The following NRXN3 variants were observed in gnomAD, a reference collection of about 807,000 sequenced individuals.
NRXN3 encodes the protein neurexin III.
NRXN3 carries 32 observed loss-of-function variants against 137.6 expected under a neutral mutation model. The ratio of observed to expected loss-of-function variants is 0.23; its 90% CI spans 0.18 to 0.31. NRXN3 has a LOEUF of 0.31. Ranked by LOEUF, NRXN3 falls within the 10% of genes least tolerant of loss-of-function variation. The pLI, the probability that NRXN3 is intolerant of heterozygous loss-of-function variation, is 1.00. For synonymous variants in NRXN3, 798 were observed against 784.5 expected, an observed-to-expected ratio of 1.02 and a Z score of -0.29; for missense variants, 1,574 against 2,062.5, an observed-to-expected ratio of 0.76 and a Z score of 4.59.
chr14:79,212,998 T>A (rs534749254), intron 15 of NRXN3, among the ~76,000 whole-genome samples: 9 of 152,266 alleles, frequency 5.9e-5, no homozygotes, highest in Non-Finnish European at 1.2e-4. Context: ...TTGGGCAAAT[T>A]GGCTGGTTAG....
At chr14:79,388,527 T>G (rs569706105) in intron 15 of NRXN3, among the ~76,000 whole-genome samples, 1 of 152,190 alleles carries the variant, frequency 6.6e-6, no homozygotes, top group African/African-American at 2.4e-5. Context: ...AGACAGTTCT[T>G]TCAGAGGATT....
chr14:79,819,762 C>T (rs1251002845), intron 20 of NRXN3, among the ~76,000 whole-genome samples: 1 of 151,640 alleles, frequency 6.6e-6, no homozygotes, highest in African/African-American at 2.4e-5. Context: ...GGATTACAGG[C>T]ATCAGCCACC....
chr14:79,462,923 T>C (rs1438181503), intron 15 of NRXN3, among the ~76,000 whole-genome samples: 1 of 152,158 alleles, frequency 6.6e-6, no homozygotes, highest in African/African-American at 2.4e-5. Flanking sequence ...CACATATGTA[T>C]GTATATATTA....
intron 19 of NRXN3, among the ~76,000 whole-genome samples, chr14:79,749,028 A>C (rs1483622605): frequency 2.0e-5 from 3 of 152,042 alleles, no homozygotes; most frequent in African/African-American, 2.4e-5. Flanking sequence ...AAGAGAAGGA[A>C]AATTTTTTAT....
At chr14:79,802,792 A>G (rs1027877918) in intron 19 of NRXN3, among the ~76,000 whole-genome samples, 1 of 152,190 alleles carries the variant, frequency 6.6e-6, no homozygotes, top group Non-Finnish European at 1.5e-5. Flanking sequence ...CACAAATAAC[A>G]GCCCCCCAGG....
intron 6 of NRXN3, among the ~76,000 whole-genome samples, chr14:78,699,618 CT>C (rs1448527425): frequency 1.3e-5 from 2 of 152,122 alleles, no homozygotes; most frequent in African/African-American, 4.8e-5. Context: ...TTAAGGCTTC[CT>C]TTCTACTCTA....
intron 4 of NRXN3, among the ~76,000 whole-genome samples, chr14:78,357,431 T>A (rs1441695917): frequency 6.6e-6 from 1 of 152,054 alleles, no homozygotes; most frequent in Non-Finnish European, 1.5e-5. Context: ...CTAGATGAGA[T>A]TTGGATGGGG....
chr14:78,944,294 G>A (rs1481046597), intron 10 of NRXN3, among the ~76,000 whole-genome samples: 2 of 152,206 alleles, frequency 1.3e-5, no homozygotes, highest in East Asian at 1.9e-4. Context: ...GATCTGGGTT[G>A]TACTTATGTG....
chr14:78,341,148 C>T (rs527387318), intron 4 of NRXN3, among the ~76,000 whole-genome samples: 3 of 152,046 alleles, frequency 2.0e-5, no homozygotes, highest in African/African-American at 7.2e-5. Flanking sequence ...AGTGGCTTTC[C>T]GAGGGTGAGA....
chr14:78,320,264 T>C (rs2079170379), intron 4 of NRXN3, among the ~76,000 whole-genome samples: 2 of 152,132 alleles, frequency 1.3e-5, no homozygotes, highest in South Asian at 2.1e-4. Context: ...GGGATTTTCG[T>C]TGTTATTTTA....
chr14:79,815,850 C>A (rs961003654), intron 20 of NRXN3, among the ~76,000 whole-genome samples: 1 of 152,062 alleles, frequency 6.6e-6, no homozygotes, highest in African/African-American at 2.4e-5. Context: ...ACGTCAAGAA[C>A]CTCATAGATA....
intron 17 of NRXN3, among the ~76,000 whole-genome samples, chr14:79,681,396 GT>G (rs1044257629): frequency 2.6e-5 from 4 of 152,230 alleles, no homozygotes; most frequent in African/African-American, 9.6e-5. Context: ...TCATGTGAGT[GT>G]TTTTTTCTCT....
At chr14:79,361,630 T>C (rs951186496) in intron 15 of NRXN3, among the ~76,000 whole-genome samples, 1 of 152,070 alleles carries the variant, frequency 6.6e-6, no homozygotes, top group African/African-American at 2.4e-5. Context: ...GGCAGGAGAA[T>C]CACTTGAACC....
chr14:78,369,342 G>T (rs1035906474), intron 4 of NRXN3, among the ~76,000 whole-genome samples: 9 of 151,512 alleles, frequency 5.9e-5, no homozygotes, highest in Non-Finnish European at 1.3e-4. Flanking sequence ...AGAATTCCAG[G>T]TATCCTAGAC....
chr14:78,173,168 G>T lies in NRXN3; in HGVS notation c.-704+2494G>T, dbSNP rs564732525. Among the ~76,000 whole-genome samples the T allele has an allele frequency of 5.3e-5, 8 of 152,074 alleles. No homozygotes were observed. The East Asian group carries it at 1.5e-3, about 29-fold the overall frequency. On this transcript the variant is annotated intron_variant, in intron 1 of 20. Coordinates refer to ENST00000335750, the MANE Select transcript of NRXN3 (RefSeq NM_001330195.2). Reference sequence around the variant, plus strand: ...GAGATGCTACAGCAAACGGGGATGTGGGGGGAGACGGAGGTGAGGTTGGAA... The same window carrying T: ...GAGATGCTACAGCAAACGGGGATGTTGGGGGAGACGGAGGTGAGGTTGGAA...
At chr14:79,235,291 G>T (rs886605434) in intron 15 of NRXN3, among the ~76,000 whole-genome samples, 2 of 152,112 alleles carry the variant, frequency 1.3e-5, no homozygotes, top group Non-Finnish European at 1.5e-5. Flanking sequence ...GGAAAATACT[G>T]GTTATAGGGT....
At chr14:79,363,601 GA>G (rs35899846) in intron 15 of NRXN3, among the ~76,000 whole-genome samples, 5,317 of 124,688 alleles carry the variant, frequency 0.043, 124 homozygotes, top group South Asian at 0.11. Flanking sequence ...ACTTTCTTAA[GA>G]AAAAAAAAAA....
intron 15 of NRXN3, among the ~76,000 whole-genome samples, chr14:79,189,650 A>G (rs991827200): frequency 4.6e-5 from 7 of 152,102 alleles, no homozygotes; most frequent in Admixed American, 6.6e-5. Context: ...TTGCTTTTGT[A>G]GGGACTTTTT....
chr14:78,961,990 C>T (rs1018388375), intron 11 of NRXN3, among the ~76,000 whole-genome samples: 7 of 152,156 alleles, frequency 4.6e-5, no homozygotes, highest in African/African-American at 1.7e-4. Context: ...GATGGAGTGA[C>T]ATTCTGATAC....
Sources: allele counts gnomAD v4.1 joint callset (sites outside exome capture counted in the v4.1 genomes callset), GRCh38; gene constraint gnomAD v4.1.1; transcripts MANE v1.5; gene names NCBI Gene and HGNC (gene_info 2026-07-23, HGNC 2026-07-21).